The following PIN4 variants were observed in gnomAD, a reference collection of about 807,000 sequenced individuals.
PIN4 encodes peptidyl-prolyl cis-trans isomerase NIMA-interacting 4.
PIN4 carries 3 observed loss-of-function variants against 8.3 expected under a neutral mutation model. That is an observed-to-expected ratio of 0.36 (90% confidence interval 0.16 to 0.93). The LOEUF (loss-of-function observed/expected upper bound fraction) is 0.93, where lower values mean the gene tolerates loss of function less well. Ranked by LOEUF, PIN4 falls within the 40% of genes least tolerant of loss-of-function variation. The pLI is 0.44. For synonymous variants in PIN4, 18 were observed against 32.5 expected, an observed-to-expected ratio of 0.55 and a Z score of 1.52; for missense variants, 75 against 100.6, an observed-to-expected ratio of 0.75 and a Z score of 1.09.
intron 3 of PIN4, chrX:72,205,562 T>C: frequency 8.3e-7 from 1 of 1,211,265 alleles, no homozygotes; most frequent in Non-Finnish European, 1.1e-6. Flanking sequence ...CCTGGTGGAC[T>C]GATGTCATTT....
intron 3 of PIN4, among the ~76,000 whole-genome samples, chrX:72,210,615 G>C (rs1449805464): frequency 9.0e-6 from 1 of 111,459 alleles, no homozygotes; most frequent in Non-Finnish European, 1.9e-5. Flanking sequence ...AGACTAAAGT[G>C]CTGTCCCTGA....
Position 72,253,135 on chromosome X carries a change from T to C in PIN4, c.313-9572T>C, listed in dbSNP as rs145075453. 8.8e-3 allele frequency among the ~76,000 whole-genome samples: 983 copies of C among 111,537 alleles called. 14 individuals carry two copies. The highest frequency in any genetic ancestry group is 0.03 in the African/African-American group (916 of 30,655). Reference sequence around the variant, plus strand: ...CACTCAGTTGCTCAAACCAAAAACCTTGAAATTAGAAACATCATCTCTTTC... The same window carrying C: ...CACTCAGTTGCTCAAACCAAAAACCCTGAAATTAGAAACATCATCTCTTTC... On this transcript the variant is annotated intron_variant, in intron 3 of 3. Coordinates refer to the PIN4 transcript ENST00000423432.
chrX:72,206,548 G>C (rs2042821722), intron 3 of PIN4: 5 of 1,210,838 alleles, frequency 4.1e-6, no homozygotes, highest in Non-Finnish European at 5.6e-6. Context: ...TTTCTTCTTT[G>C]TTGAAGAAGG....
chrX:72,220,023 A>C (rs183987565), intron 3 of PIN4, among the ~76,000 whole-genome samples: 1 of 111,368 alleles, frequency 9.0e-6, no homozygotes, highest in East Asian at 2.8e-4. Flanking sequence ...TGATCAGGTT[A>C]AGGAAGTTAC....
chrX:72,203,686 C>T (rs2042800834), intron 3 of PIN4, among the ~76,000 whole-genome samples: 1 of 111,889 alleles, frequency 8.9e-6, no homozygotes. Flanking sequence ...TTCACCCCAA[C>T]CATGTCACCA....
At chrX:72,201,189 C>T (rs151168866), downstream of PIN4, among the ~76,000 whole-genome samples, 2,163 of 109,510 alleles carry the variant, frequency 0.02, 28 homozygotes, top group African/African-American at 0.054. Context: ...GTGACAAGAG[C>T]GAGACCCTGT....
At chrX:72,219,030 C>T (rs756276086) in intron 3 of PIN4, among the ~76,000 whole-genome samples, 109 of 112,271 alleles carry the variant, frequency 9.7e-4, no homozygotes, top group Admixed American at 3.7e-3. Flanking sequence ...CTGAGGTGGG[C>T]GGACCACCTG....
chrX:72,191,213 C>T (rs1026430853), intron 2 of PIN4, among the ~76,000 whole-genome samples: 13 of 110,596 alleles, frequency 1.2e-4, no homozygotes, highest in African/African-American at 3.6e-4. Context: ...CATCCCAGAC[C>T]AACTGCATCA....
intron 3 of PIN4, among the ~76,000 whole-genome samples, chrX:72,251,362 C>CAAAAAAAAAAAAAAAAAAAAAAA (rs35914181): frequency 6.1e-5 from 4 of 65,618 alleles, no homozygotes; most frequent in Non-Finnish European, 7.2e-5. Context: ...GACTCTGTCT[C>CAAAAAAAAAAAAAAAAAAAAAAA]AAAAAAAAAA....
intron 2 of PIN4, among the ~76,000 whole-genome samples, chrX:72,191,570 C>G (rs974535307): frequency 9.0e-6 from 1 of 111,349 alleles, no homozygotes; most frequent in Non-Finnish European, 1.9e-5. Flanking sequence ...AAACGAAAAA[C>G]TTTTCTAGAA....
At chrX:72,259,725 T>TC (rs1491481043) in intron 3 of PIN4, among the ~76,000 whole-genome samples, 3 of 64,426 alleles carry the variant, frequency 4.7e-5, no homozygotes, top group African/African-American at 1.9e-4. Context: ...GGCCATATCC[T>TC]TTTTTTTTTT....
rs565948820 is a variant in PIN4, at chrX:72,250,160, A to G, written c.313-12547A>G. Among the ~76,000 whole-genome samples the G allele has an allele frequency of 4.2e-4, 46 of 109,907 alleles. No individual in the cohort carries two copies. In the South Asian group the frequency reaches 9.5e-3, roughly 23 times the overall value. On this transcript the variant is annotated intron_variant, in intron 3 of 3. Transcript: ENST00000423432. ...CAAGCAGAGGTAGGCAAGTGGGGAT[A>G]GAAGGCGAGTGAGGGTAAGTGCATA...
intron 3 of PIN4, among the ~76,000 whole-genome samples, chrX:72,210,239 AAATAAATG>A (rs1724268217): frequency 9.7e-6 from 1 of 103,496 alleles, no homozygotes; most frequent in Non-Finnish European, 1.9e-5. Context: ...ATAAATAAAT[AAATAAATG>A]GAAAAAAGAT....
At chrX:72,184,487 T>C (rs1480859682) in intron 1 of PIN4, among the ~76,000 whole-genome samples, 1 of 110,089 alleles carries the variant, frequency 9.1e-6, no homozygotes, top group Admixed American at 9.7e-5. Flanking sequence ...TTCCCCAAGA[T>C]AGATGGTGAG....
Position 72,246,997 on chromosome X carries a change from T to TTGGA in PIN4, c.313-15687_313-15684dup, listed in dbSNP as rs755032602. Among the ~76,000 whole-genome samples the TTGGA allele has an allele frequency of 4.4e-3, 489 of 111,651 alleles. 2 individuals are homozygous for TTGGA. The highest frequency in any genetic ancestry group is 0.015 in the African/African-American group (448 of 30,746). On this transcript the variant is annotated intron_variant, in intron 3 of 3. Transcript: ENST00000423432. The stretch of plus-strand genomic sequence containing the variant: ...ATAATGGCTGACCAGTAAATAGTTG[T>TTGGA]TGGATGGATGGATGGATGGATGGAT...
chrX:72,248,162 T>C (rs1446387170), intron 3 of PIN4, among the ~76,000 whole-genome samples: 3 of 109,293 alleles, frequency 2.7e-5, no homozygotes, highest in Admixed American at 9.9e-5. Context: ...CTCTGGTGAT[T>C]GGTTGCCAAG....
chrX:72,197,002 A>G, intron 3 of PIN4, 98 bp downstream of exon 3: 1 of 763,723 alleles, frequency 1.3e-6, no homozygotes, highest in Non-Finnish European at 1.9e-6. Context: ...CATCCTCCAC[A>G]GAAGAAACAC....
chrX:72,226,042 A>G (rs1236872391), intron 3 of PIN4, among the ~76,000 whole-genome samples: 2 of 111,621 alleles, frequency 1.8e-5, no homozygotes, highest in African/African-American at 6.5e-5. Flanking sequence ...CTCAGCCATA[A>G]GGCGCTAAGC....
chrX:72,260,117 C>G (rs1395462903), intron 3 of PIN4, among the ~76,000 whole-genome samples: 1 of 110,997 alleles, frequency 9.0e-6, no homozygotes, highest in Non-Finnish European at 1.9e-5. Context: ...ATATAAGAGC[C>G]TTGTATTCCA....
Sources: allele counts gnomAD v4.1 joint callset (sites outside exome capture counted in the v4.1 genomes callset), GRCh38; gene constraint gnomAD v4.1.1; transcripts MANE v1.5; gene names NCBI Gene and HGNC (gene_info 2026-07-23, HGNC 2026-07-21).